POMK: variants seen among roughly 807,000 people sequenced by gnomAD.
POMK encodes Sugen kinase 196.
POMK carries 19 observed loss-of-function variants against 23.0 expected under a neutral mutation model. The ratio of observed to expected loss-of-function variants is 0.83; its 90% confidence interval spans 0.58 to 1.21. The LOEUF is 1.21. POMK is among the 50% of genes most tolerant of loss of function. The pLI is 0.00. For missense variants in POMK, 410 were observed against 431.3 expected, an observed-to-expected ratio of 0.95 and a Z score of 0.44; for synonymous variants, 173 against 171.6, an observed-to-expected ratio of 1.01 and a Z score of -0.06.
chr8:43,095,227 T>C (rs1466897797), intron 1 of POMK, among the ~76,000 whole-genome samples: 1 of 152,184 alleles, frequency 6.6e-6, no homozygotes, highest in Non-Finnish European at 1.5e-5. Context: ...ACCTTAGATA[T>C]ATTACTTCAC....
chr8:43,094,265 G>T (rs990418511), intron 1 of POMK, among the ~76,000 whole-genome samples: 1 of 152,066 alleles, frequency 6.6e-6, no homozygotes, highest in Non-Finnish European at 1.5e-5. Context: ...TCGAACGCCT[G>T]ACCTCAGGTG....
chr8:43,104,313 G>T (rs756476931), intron 4 of POMK, among the ~76,000 whole-genome samples: 3 of 151,886 alleles, frequency 2.0e-5, no homozygotes, highest in East Asian at 3.9e-4. Flanking sequence ...GTAGAGATGG[G>T]GTTTCACCAT....
intron 1 of POMK, among the ~76,000 whole-genome samples, chr8:43,095,262 G>C (rs1459218872): frequency 1.3e-5 from 2 of 152,152 alleles, no homozygotes; most frequent in Non-Finnish European, 2.9e-5. Context: ...TCTTATCTGT[G>C]AAATGGGAAT....
intron 4 of POMK, among the ~76,000 whole-genome samples, chr8:43,105,122 A>G (rs868833843): frequency 6.6e-6 from 1 of 152,180 alleles, no homozygotes; most frequent in Admixed American, 6.5e-5. Context: ...ACCTACTTAC[A>G]GTGTGTAGTT....
chr8:43,103,474 T>C lies in POMK; in HGVS notation c.-21-54T>C. 4 of 1,554,816 alleles carry C rather than the reference T, an allele frequency of 2.6e-6. No homozygotes were observed. In the East Asian group the frequency reaches 9.0e-5, roughly 35 times the overall value. Reference sequence around the variant, plus strand: ...AGGCATCAGAACACATTTTTGGAAATGAAAGGAAGTGAAAGCTGACTGTCA... The same window carrying C: ...AGGCATCAGAACACATTTTTGGAAACGAAAGGAAGTGAAAGCTGACTGTCA... On this transcript the variant is annotated intron_variant, in intron 3 of 4. Transcript: ENST00000331373.
At chr8:43,110,981 A>G (rs1811644648) in intron 4 of POMK, among the ~76,000 whole-genome samples, 1 of 151,988 alleles carries the variant, frequency 6.6e-6, no homozygotes, top group Non-Finnish European at 1.5e-5. Context: ...TCCAGTCTAC[A>G]GCACCCAGTG....
chr8:43,107,837 T>G (rs981604019), intron 4 of POMK, among the ~76,000 whole-genome samples: 1 of 152,160 alleles, frequency 6.6e-6, no homozygotes, highest in East Asian at 1.9e-4. Context: ...CACGTCGCCA[T>G]GCCTGGCTGA....
intron 4 of POMK, among the ~76,000 whole-genome samples, chr8:43,107,783 C>T (rs1029522022): frequency 1.3e-5 from 2 of 152,052 alleles, no homozygotes; most frequent in Admixed American, 1.3e-4. Context: ...CGGGTTCAAG[C>T]AATTCTTCTG....
At chr8:43,110,994 A>G (rs898731903) in intron 4 of POMK, among the ~76,000 whole-genome samples, 1 of 152,058 alleles carries the variant, frequency 6.6e-6, no homozygotes, top group Non-Finnish European at 1.5e-5. Context: ...ACCCAGTGTG[A>G]GCGACGCAGA....
intron 2 of POMK, among the ~76,000 whole-genome samples, chr8:43,100,023 A>G (rs748862921): frequency 1.3e-5 from 2 of 152,140 alleles, no homozygotes; most frequent in Non-Finnish European, 2.9e-5. Flanking sequence ...CGGGACTTGC[A>G]TATCTTCATC....
At chr8:43,100,555 G>A (rs1461920011) in intron 2 of POMK, among the ~76,000 whole-genome samples, 1 of 151,754 alleles carries the variant, frequency 6.6e-6, no homozygotes, top group East Asian at 1.9e-4. Context: ...AGAATGGGGT[G>A]CTTATGGAGG....
intron 4 of POMK, among the ~76,000 whole-genome samples, chr8:43,106,471 G>T (rs1811545493): frequency 6.7e-6 from 1 of 148,946 alleles, no homozygotes; most frequent in African/African-American, 2.5e-5. Flanking sequence ...CTGGGAAGAA[G>T]GTTTTTGGTT....
In POMK at chr8:43,122,647, T is replaced by C; in HGVS notation, c.823T>C (p.Ser275Pro). 1 of 1,614,180 alleles carries C rather than the reference T, an allele frequency of 6.2e-7. No homozygotes were observed. Among genetic ancestry groups the C allele is most frequent in the Non-Finnish European group, 8.5e-7 (1 of 1,180,018 alleles). Residue 275 changes from serine (S) to proline (P), a missense_variant, in exon 5 of 5, where the codon TCA becomes CCA. Ser to Pro is a moderately conservative substitution (Grantham distance 74). Coordinates refer to ENST00000331373, the MANE Select transcript of POMK (RefSeq NM_032237.5). ...GCCTTTCCACGATGATCTCATGCCC[T>C]CATATGATGAGAAGATTGACATTTG... ...DVPFHDDLMP[S>P]YDEKIDIWKI...
intron 4 of POMK, among the ~76,000 whole-genome samples, chr8:43,105,708 A>G (rs1047502192): frequency 1.2e-4 from 18 of 152,176 alleles, no homozygotes; most frequent in Non-Finnish European, 1.5e-5. Context: ...CTTGTTGCCC[A>G]GGCTGGAGTG....
Position 43,103,794 on chromosome 8 carries a change from A to G in POMK, c.246A>G (p.Arg82=). The change falls in exon 4 of 5, where the codon AGA becomes AGG. Residue 82 remains arginine, a synonymous_variant. Transcript: ENST00000331373. ...GCGAGGAGCTGAGAACAGAAGTGAGACAGCTGAAGCGTGTTGGGGAAGGAG... is the reference window on the plus strand; with the variant it reads ...GCGAGGAGCTGAGAACAGAAGTGAGGCAGCTGAAGCGTGTTGGGGAAGGAG... ...LSCEELRTEV[R]QLKRVGEGAV... The G allele has an allele frequency of 6.2e-7, 1 of 1,614,250 alleles. No homozygotes were observed. The highest frequency in any genetic ancestry group is 8.5e-7 in the Non-Finnish European group (1 of 1,180,040).
chr8:43,120,057 GA>G (rs140426724), intron 4 of POMK, among the ~76,000 whole-genome samples: 18 of 149,416 alleles, frequency 1.2e-4, no homozygotes, highest in Non-Finnish European at 1.8e-4. Context: ...AGATATGAAG[GA>G]AAAAAAAATC....
At chr8:43,114,541 T>C (rs1811753312) in intron 4 of POMK, among the ~76,000 whole-genome samples, 1 of 152,236 alleles carries the variant, frequency 6.6e-6, no homozygotes, top group Non-Finnish European at 1.5e-5. Flanking sequence ...GGAAAGGGAA[T>C]GCCCTGACCC....
intron 2 of POMK, among the ~76,000 whole-genome samples, chr8:43,099,412 T>C (rs1205732008): frequency 1.3e-5 from 2 of 152,234 alleles, no homozygotes; most frequent in Admixed American, 6.5e-5. Context: ...TGAAAAGTCC[T>C]GAGTCTGGGT....
chr8:43,099,000 G>A (rs776205544), intron 2 of POMK, among the ~76,000 whole-genome samples: 1 of 152,216 alleles, frequency 6.6e-6, no homozygotes, highest in Non-Finnish European at 1.5e-5. Flanking sequence ...AGGCTGGAGT[G>A]TTGTGGCACG....
Sources: allele counts gnomAD v4.1 joint callset (sites outside exome capture counted in the v4.1 genomes callset), GRCh38; gene constraint gnomAD v4.1.1; transcripts MANE v1.5; gene names NCBI Gene and HGNC (gene_info 2026-07-23, HGNC 2026-07-21).